Variants in PDHB observed in about 807,000 individuals in gnomAD.
PDHB encodes the protein pyruvate dehydrogenase E1 subunit beta.
Under a neutral mutation model 42.8 loss-of-function variants are expected in PDHB, and 17 were observed. That is an observed-to-expected ratio of 0.40 (90% CI 0.27 to 0.60). PDHB has a LOEUF of 0.60. Ranked by LOEUF, PDHB falls within the 20% of genes least tolerant of loss-of-function variation. PDHB has a pLI of 0.46. For missense variants in PDHB, 322 were observed against 451.3 expected (o/e 0.71, Z 2.60); for synonymous variants, 154 against 148.7 (o/e 1.04, Z -0.26).
Position 58,429,703 on chromosome 3 carries a change from C to T in PDHB, c.792+5G>A. On this transcript the variant is annotated splice_donor_5th_base_variant and intron_variant, in intron 8 of 9. Coordinates refer to ENST00000302746, the MANE Select transcript of PDHB (RefSeq NM_000925.4). ...TTCTTTAAGAACAAGTAAATGTCCACTCACCTCACATTCAACTCCTTCTTT... is the reference window on the plus strand; with the variant it reads ...TTCTTTAAGAACAAGTAAATGTCCATTCACCTCACATTCAACTCCTTCTTT... The T allele has an allele frequency of 6.4e-7, 1 of 1,569,588 alleles. No individual in the cohort carries two copies. Among genetic ancestry groups the T allele is most frequent in the Non-Finnish European group, 8.8e-7 (1 of 1,139,340 alleles).
chr3:58,432,181 G>T (rs2062926224), intron 2 of PDHB, 197 bp from the exon 3 acceptor site: 1 of 609,704 alleles, frequency 1.6e-6, no homozygotes. Context: ...TTAATGTACT[G>T]AGTGCTCACT....
At position 58,427,872 on chromosome 3, in the gene PDHB, T is replaced by C; in HGVS notation, c.*162A>G. 1 of 686,080 alleles carries C rather than the reference T, an allele frequency of 1.5e-6. No individual in the cohort carries two copies. Among genetic ancestry groups the C allele is most frequent in the Non-Finnish European group, 2.6e-6 (1 of 378,426 alleles). 42.5% of individuals were successfully genotyped at this position (686,080 alleles called of 1,614,324 possible). A position where few individuals can be genotyped will look rare whatever the true frequency, so the allele number is the denominator to read the frequency against. ...CATCTAGGGGAGGAGAGTGGAGAGT[T>C]TTCCATACACAAACACATTTAAACT... On this transcript the variant is annotated 3_prime_UTR_variant, in exon 10 of 10. Coordinates refer to ENST00000302746, the MANE Select transcript of PDHB (RefSeq NM_000925.4).
chr3:58,432,150 C>T (rs780114711), intron 2 of PDHB, 166 bp from the exon 3 acceptor site: 38 of 660,314 alleles, frequency 5.8e-5, no homozygotes, highest in Non-Finnish European at 9.4e-5. Flanking sequence ...TTCTATTACA[C>T]ATAGTTGGTC....
In PDHB at chr3:58,433,821, C is replaced by G; in HGVS notation, c.-12G>C. The G allele has an allele frequency of 1.2e-6, 2 of 1,609,210 alleles. No individual in the cohort carries two copies. The highest frequency in any genetic ancestry group is 1.3e-5 in the African/African-American group (1 of 74,902). ...GACACCGCCGCCATCTTGGTCGTGT[C>G]CTCTATCCGCTGCCAAACGACAACA... On this transcript the variant is annotated 5_prime_UTR_variant, in exon 1 of 10. Transcript: ENST00000302746.
At position 58,428,609 on chromosome 3, in the gene PDHB, T is replaced by A; in HGVS notation, c.798A>T (p.Ile266=). ...CCATTGGTCTAATGGTACGCATATT[T>A]ATCACCTAAACAGGTAATATAATCA... ...LSKEGVECEV[I]NMRTIRPMDM... is the part of the protein sequence containing the mutation. Residue 266 remains isoleucine (I), a synonymous_variant, in exon 9 of 10, where the codon ATA becomes ATT. Transcript: ENST00000302746. 1.9e-6 allele frequency: 3 copies of A among 1,612,616 alleles called. No individual in the cohort carries two copies. The highest frequency in any genetic ancestry group is 2.5e-6 in the Non-Finnish European group (3 of 1,178,678).
intron 1 of PDHB, 38 bp downstream of exon 1, chr3:58,433,730 G>A (rs368608656): frequency 4.3e-6 from 7 of 1,612,422 alleles, no homozygotes; most frequent in South Asian, 1.1e-5. Context: ...GGGTGGGCAG[G>A]GGTCGCGTGG....
In PDHB at chr3:58,430,663, T is replaced by C. The variant is rs774756909; in HGVS notation, c.583A>G (p.Asn195Asp). The change falls in exon 6 of 10, where the codon AAT becomes GAT. Residue 195 changes from asparagine (N) to aspartate (D), a missense_variant. Physicochemically the swap from Asn to Asp is conservative, Grantham distance 23 (BLOSUM62 1). Transcript: ENST00000302746. The part of the protein sequence containing the change: ...GLIKSAIRDN[N>D]PVVVLENELM... ...AAAGGGTCCCTGTGCTGACCTGGAT[T>C]GTTATCCCGAATGGCTGATTTAATA... The C allele has an allele frequency of 6.2e-7, 1 of 1,613,404 alleles. No homozygotes were observed. Among genetic ancestry groups the C allele is most frequent in the Non-Finnish European group, 8.5e-7 (1 of 1,179,946 alleles).
rs776671828 is a variant in PDHB at position 58,431,837 on chromosome 3, G to C, written c.204+40C>G. 3.7e-6 allele frequency: 6 copies of C among 1,606,338 alleles called. No individual in the cohort carries two copies. Among genetic ancestry groups the C allele is most frequent in the African/African-American group, 2.7e-5 (2 of 74,734 alleles). Reference sequence around the variant, plus strand: ...CCCTTAAGTGTATCTGGGGGTAACAGTGACCTCAATTTTGTATAACTTTCA... The same window carrying C: ...CCCTTAAGTGTATCTGGGGGTAACACTGACCTCAATTTTGTATAACTTTCA... On this transcript the variant is annotated intron_variant, in intron 3 of 9. Transcript: ENST00000302746. This position sits in a 1 kb window ranked among gnomAD's most constrained non-coding sequence, Gnocchi z 4.4.
intron 8 of PDHB, 153 bp from the exon 9 acceptor site, chr3:58,428,767 G>C (rs2062895103): frequency 1.5e-6 from 1 of 670,062 alleles, no homozygotes. Flanking sequence ...TGTACAAACT[G>C]TAAAAGGAAA....
chr3:58,429,618 C>T, intron 8 of PDHB, 90 bp downstream of exon 8: 1 of 847,054 alleles, frequency 1.2e-6, no homozygotes, highest in South Asian at 1.3e-5. Context: ...CAAGGTTTTA[C>T]ATCTAATTAA....
At position 58,428,545 on chromosome 3, in the gene PDHB, G is replaced by A. The variant is rs376110096; in HGVS notation, c.862C>T (p.His288Tyr). The change falls in exon 9 of 10, where the codon CAT becomes TAT. Residue 288 changes from histidine to tyrosine, a missense_variant. His to Tyr is a moderately conservative substitution (Grantham distance 83, BLOSUM62 2). Coordinates refer to ENST00000302746, the MANE Select transcript of PDHB (RefSeq NM_000925.4). Reference sequence around the variant, plus strand: ...CAGCCTCCTTCCACAGTTACAAGATGATTTGTCTTCATGACACTGGCTTCT... The same window carrying A: ...CAGCCTCCTTCCACAGTTACAAGATAATTTGTCTTCATGACACTGGCTTCT... ...TIEASVMKTN[H>Y]LVTVEGGWPQ... 14 of 1,613,838 alleles carry A rather than the reference G, an allele frequency of 8.7e-6. No homozygotes were observed. The South Asian group carries it at 1.5e-4, about 18-fold the overall frequency.
In PDHB at chr3:58,430,662, T is replaced by C. The variant is rs2062912024; in HGVS notation, c.584A>G (p.Asn195Ser). 1.2e-6 allele frequency: 2 copies of C among 1,613,242 alleles called. No homozygotes were observed. Among genetic ancestry groups the C allele is most frequent in the African/African-American group, 1.3e-5 (1 of 74,910 alleles). ...CAAAGGGTCCCTGTGCTGACCTGGA[T>C]TGTTATCCCGAATGGCTGATTTAAT... ...GLIKSAIRDN[N>S]PVVVLENELM... Residue 195 changes from asparagine to serine, a missense_variant, in exon 6 of 10, where the codon AAT (asparagine) becomes AGT (serine). Transcript: ENST00000302746.
Position 58,431,859 on chromosome 3 carries a change from T to G in PDHB, c.204+18A>C. 1 of 1,607,076 alleles carries G rather than the reference T, an allele frequency of 6.2e-7. No homozygotes were observed. Among genetic ancestry groups the G allele is most frequent in the African/African-American group, 1.3e-5 (1 of 74,868 alleles). On this transcript the variant is annotated intron_variant, in intron 3 of 9. Coordinates refer to ENST00000302746, the MANE Select transcript of PDHB (RefSeq NM_000925.4). The surrounding 1 kb of genome is among the most constrained non-coding windows in gnomAD (Gnocchi z 4.4). ...ACAGTGACCTCAATTTTGTATAACT[T>G]TCATATATTTTAGTTACCTTGTATG...
At chr3:58,430,970 A>T in intron 5 of PDHB, 28 bp from the exon 6 acceptor site, 1 of 1,610,444 alleles carries the variant, frequency 6.2e-7, no homozygotes. Context: ...TGGATGTTAA[A>T]AAGACTAGAA....
At position 58,431,538 on chromosome 3, in the gene PDHB, A is replaced by C. The variant is rs2107940671; in HGVS notation, c.303+55T>G. The C allele has an allele frequency of 5.6e-6, 8 of 1,436,876 alleles. No homozygotes were observed. The highest frequency in any genetic ancestry group is 1.1e-5 in the South Asian group (1 of 87,134). The allele number at this position is 1,436,876 out of a possible 1,614,324, so 89.0% of individuals were successfully genotyped here. ...AGAGTGAGACTCTGTCTCAAAAGAA[A>C]AAAAAAGAAAACAAGAAATGTCTTT... On this transcript the variant is annotated intron_variant, in intron 5 of 9. Coordinates refer to ENST00000302746, the MANE Select transcript of PDHB (RefSeq NM_000925.4). The surrounding 1 kb of genome is among the most constrained non-coding windows in gnomAD (Gnocchi z 4.4).
chr3:58,433,278 T>C (rs2062939847), intron 2 of PDHB: 1 of 427,188 alleles, frequency 2.3e-6, no homozygotes, highest in Non-Finnish European at 4.3e-6. Flanking sequence ...TGGTGGTTAA[T>C]GGTTGTACAA....
chr3:58,429,724 T>A lies in PDHB; in HGVS notation c.776A>T (p.Glu259Val), dbSNP rs767174898. The A allele has an allele frequency of 1.3e-5, 21 of 1,607,188 alleles. No individual in the cohort carries two copies. The highest frequency in any genetic ancestry group is 1.7e-5 in the Non-Finnish European group (20 of 1,173,792). ...CLEAAAVLSK[E>V]GVECEVINMR... ...TCCACTCACCTCACATTCAACTCCT[T>A]CTTTAGATAGCACTGCTGCAGCTTC... The change falls in exon 8 of 10, where the codon GAA becomes GTA. Residue 259 changes from glutamate to valine, a missense_variant. Physicochemically the swap from Glu to Val is moderately radical, Grantham distance 121. Coordinates refer to ENST00000302746, the MANE Select transcript of PDHB (RefSeq NM_000925.4).
Position 58,431,366 on chromosome 3 carries a change from T to C in PDHB, c.303+227A>G. ...GAGTTCAAGACCAGCCTGGCCAACATGGTAAAACCCCATCTCTACTAAAAA... is the reference window on the plus strand; with the variant it reads ...GAGTTCAAGACCAGCCTGGCCAACACGGTAAAACCCCATCTCTACTAAAAA... On this transcript the variant is annotated intron_variant, in intron 5 of 9. Transcript: ENST00000302746. The surrounding 1 kb of genome is among the most constrained non-coding windows in gnomAD (Gnocchi z 4.4). 5.7e-6 allele frequency: 3 copies of C among 530,720 alleles called. No individual in the cohort carries two copies. Among genetic ancestry groups the C allele is most frequent in the Admixed American group, 3.2e-5 (1 of 31,368 alleles). The allele number at this position is 530,720 out of a possible 1,614,324, so 32.9% of individuals were successfully genotyped here. A position where few individuals can be genotyped will look rare whatever the true frequency, so the allele number is the denominator to read the frequency against.
chr3:58,428,382 C>A, intron 9 of PDHB, 91 bp downstream of exon 9: 1 of 1,460,272 alleles, frequency 6.8e-7, no homozygotes, highest in Non-Finnish European at 9.6e-7. Context: ...TTGGCCACTC[C>A]TAGCTTTCAA....
Sources: gnomAD v4.1 joint callset for allele counts on GRCh38, gnomAD v4.1.1 for gene constraint, Gnocchi (gnomAD v3.1) non-coding constraint, MANE v1.5 for transcripts, NCBI Gene and HGNC (gene_info 2026-07-23, HGNC 2026-07-21) for gene names.